The following GRID1 variants were observed in gnomAD, a reference collection of about 807,000 sequenced individuals.
GRID1 encodes glutamate ionotropic receptor delta type subunit 1, also known as glutamate receptor ionotropic, delta-1.
A neutral mutation model predicts 98.0 loss-of-function variants in GRID1; 28 were observed. The ratio of observed to expected loss-of-function variants is 0.29; its 90% CI spans 0.21 to 0.39. GRID1 has a LOEUF of 0.39. GRID1 is among the 10% of genes least tolerant of loss of function. The pLI is 1.00. For synonymous variants in GRID1, 553 were observed against 538.5 expected (o/e 1.03, Z -0.37); for missense variants, 1,111 against 1,340.5 (o/e 0.83, Z 2.67).
chr10:86,055,418 C>T (rs1475518123), intron 4 of GRID1, among the ~76,000 whole-genome samples: 1 of 152,036 alleles, frequency 6.6e-6, no homozygotes, highest in Non-Finnish European at 1.5e-5. Context: ...AGATAGTTAA[C>T]ATTAGATGAG....
At chr10:85,841,400 A>G (rs1842960466) in intron 8 of GRID1, among the ~76,000 whole-genome samples, 1 of 152,206 alleles carries the variant, frequency 6.6e-6, no homozygotes, top group South Asian at 2.1e-4. Flanking sequence ...AACCTAGGCA[A>G]TATCATTCAG....
chr10:86,325,749 C>A (rs1848040474), intron 2 of GRID1, among the ~76,000 whole-genome samples: 1 of 152,146 alleles, frequency 6.6e-6, no homozygotes, highest in Non-Finnish European at 1.5e-5. Flanking sequence ...TTGTAAAATT[C>A]TTGGTAAACT....
chr10:85,779,461 G>A (rs1842362398), intron 8 of GRID1, among the ~76,000 whole-genome samples: 1 of 152,060 alleles, frequency 6.6e-6, no homozygotes, highest in African/African-American at 2.4e-5. Flanking sequence ...GCCAGGCCCT[G>A]TGCTCCCAGC....
At chr10:86,269,056 C>G (rs184947939) in intron 2 of GRID1, among the ~76,000 whole-genome samples, 3 of 152,296 alleles carry the variant, frequency 2.0e-5, no homozygotes, top group African/African-American at 7.2e-5. Flanking sequence ...AGCTAAGTCA[C>G]GTCTGTGACC....
chr10:85,973,233 TTTTC>T (rs1184439395), intron 4 of GRID1, among the ~76,000 whole-genome samples: 1 of 152,240 alleles, frequency 6.6e-6, no homozygotes, highest in African/African-American at 2.4e-5. Context: ...CTTCACTTTT[TTTTC>T]TTTATTTTTT....
intron 2 of GRID1, among the ~76,000 whole-genome samples, chr10:86,274,263 G>C (rs542642857): frequency 3.5e-4 from 53 of 151,884 alleles, no homozygotes; most frequent in African/African-American, 1.3e-3. Flanking sequence ...TTCTGTTCCA[G>C]ATCTGTATCT....
chr10:86,166,655 A>G (rs1368428103), intron 3 of GRID1, among the ~76,000 whole-genome samples: 2 of 152,250 alleles, frequency 1.3e-5, no homozygotes, highest in Non-Finnish European at 2.9e-5. Flanking sequence ...TCCTGGCGCC[A>G]CAGCATAAAT....
intron 4 of GRID1, among the ~76,000 whole-genome samples, chr10:86,050,752 A>G (rs1393782360): frequency 6.6e-6 from 1 of 152,174 alleles, no homozygotes; most frequent in Non-Finnish European, 1.5e-5. Flanking sequence ...TATCATAAAG[A>G]TTGGTTTTCC....
intron 4 of GRID1, among the ~76,000 whole-genome samples, chr10:86,067,499 T>A (rs907809701): frequency 3.2e-4 from 48 of 152,128 alleles, no homozygotes; most frequent in African/African-American, 1.1e-3. Flanking sequence ...GGGAATGTAG[T>A]TAAAACTTTC....
intron 13 of GRID1, among the ~76,000 whole-genome samples, chr10:85,645,237 T>C (rs913765695): frequency 6.6e-6 from 1 of 152,122 alleles, no homozygotes; most frequent in Non-Finnish European, 1.5e-5. Context: ...GTATTGGCTC[T>C]CTCTGAGAGT....
intron 12 of GRID1, among the ~76,000 whole-genome samples, chr10:85,656,014 A>G (rs1405426038): frequency 8.6e-5 from 13 of 151,204 alleles, no homozygotes; most frequent in Non-Finnish European, 1.5e-5. Context: ...CTGTGAGATG[A>G]CATCCTCCTC....
chr10:85,711,070 T>A (rs983075704), intron 12 of GRID1, among the ~76,000 whole-genome samples: 2 of 152,018 alleles, frequency 1.3e-5, no homozygotes, highest in African/African-American at 2.4e-5. Context: ...GTATGGTTAT[T>A]CTTCAAAAAA....
At chr10:86,048,592 G>A (rs989562132) in intron 4 of GRID1, among the ~76,000 whole-genome samples, 11 of 152,188 alleles carry the variant, frequency 7.2e-5, no homozygotes, top group African/African-American at 2.4e-4. Context: ...AGCACATGAG[G>A]CTCATGGCAA....
intron 4 of GRID1, among the ~76,000 whole-genome samples, chr10:86,063,816 C>A (rs184658236): frequency 2.1e-4 from 32 of 152,212 alleles, no homozygotes; most frequent in Middle Eastern, 3.4e-3. Flanking sequence ...AACTCAGGGG[C>A]CTGTTTTTAT....
At position 86,120,226 on chromosome 10, in the gene GRID1, C is replaced by T. The variant is rs574884241; in HGVS notation, c.726+18593G>A. Among the ~76,000 whole-genome samples, 8 of 152,326 alleles carry T rather than the reference C, an allele frequency of 5.3e-5. 1 individual carries two copies. The highest frequency in any genetic ancestry group is 1.9e-4 in the African/African-American group (8 of 41,566). ...ATATTAAAATACCAATTGCTCTTTCCTCTAGAAACTTCCTCTAGTGCCCAT... is the reference window on the plus strand; with the variant it reads ...ATATTAAAATACCAATTGCTCTTTCTTCTAGAAACTTCCTCTAGTGCCCAT... On this transcript the variant is annotated intron_variant, in intron 4 of 15. Coordinates refer to ENST00000327946, the MANE Select transcript of GRID1 (RefSeq NM_017551.3).
At chr10:85,801,483 C>A (rs1315423008) in intron 8 of GRID1, among the ~76,000 whole-genome samples, 1 of 151,648 alleles carries the variant, frequency 6.6e-6, no homozygotes, top group East Asian at 1.9e-4. Context: ...TGTTAAAAAT[C>A]TTTAAAACAA....
chr10:85,791,831 A>G (rs750560409), intron 8 of GRID1, among the ~76,000 whole-genome samples: 1 of 152,166 alleles, frequency 6.6e-6, no homozygotes, highest in Non-Finnish European at 1.5e-5. Flanking sequence ...AACAACAGAC[A>G]GAGATGAAAA....
At chr10:85,877,366 C>A (rs1372238205) in intron 5 of GRID1, among the ~76,000 whole-genome samples, 3 of 152,232 alleles carry the variant, frequency 2.0e-5, no homozygotes, top group Non-Finnish European at 4.4e-5. Context: ...TAGGGGCAGA[C>A]TGACACCTCA....
chr10:85,915,013 C>T (rs2131823552), intron 5 of GRID1, among the ~76,000 whole-genome samples: 1 of 152,272 alleles, frequency 6.6e-6, no homozygotes, highest in South Asian at 2.1e-4. Flanking sequence ...GCAATGCCTG[C>T]AGCGTGGAGG....
Sources: allele counts gnomAD v4.1 joint callset (sites outside exome capture counted in the v4.1 genomes callset), GRCh38; gene constraint gnomAD v4.1.1; transcripts MANE v1.5; gene names NCBI Gene and HGNC (gene_info 2026-07-23, HGNC 2026-07-21).